RABEP2: variants seen among roughly 807,000 people sequenced by gnomAD.
The protein encoded by RABEP2 is rabaptin, RAB GTPase binding effector protein 2, also known as rab GTPase-binding effector protein 2.
A neutral mutation model predicts 74.1 loss-of-function variants in RABEP2; 57 were observed. The observed-to-expected ratio is 0.77, with a 90% CI of 0.62 to 0.96. RABEP2 has a LOEUF of 0.96. Among genes scored for constraint, RABEP2 ranks in the 40% least tolerant of loss-of-function variants. The pLI is 0.00. For missense variants in RABEP2, 692 were observed against 756.3 expected, an observed-to-expected ratio of 0.91 and a Z score of 1.00; for synonymous variants, 351 against 344.0, an observed-to-expected ratio of 1.02 and a Z score of -0.23.
chr16:28,914,141 C>T (rs1456619848), intron 5 of RABEP2, 95 bp downstream of exon 5: 6 of 1,055,322 alleles, frequency 5.7e-6, no homozygotes, highest in African/African-American at 1.6e-5. Context: ...GTGGAAGCTC[C>T]GGCTCTAGTT....
chr16:28,905,359 G>A, intron 12 of RABEP2, 38 bp downstream of exon 12: 5 of 1,497,744 alleles, frequency 3.3e-6, no homozygotes, highest in Non-Finnish European at 4.6e-6. Context: ...CACCCGGAGT[G>A]GAGCCAGCCA....
intron 1 of RABEP2, 35 bp downstream of exon 1, chr16:28,925,068 C>T (rs1596707071): frequency 6.5e-7 from 1 of 1,549,384 alleles, no homozygotes; most frequent in East Asian, 2.4e-5. Context: ...CCCAGCATCA[C>T]CGTTCCCCGC....
chr16:28,914,814 C>G, intron 3 of RABEP2, 32 bp from the exon 4 acceptor site: 1 of 1,597,838 alleles, frequency 6.3e-7, no homozygotes, highest in Admixed American at 1.7e-5. Context: ...AGCAATAGTT[C>G]CCCCTCCAAA....
chr16:28,920,015 A>T, intron 2 of RABEP2, 72 bp from the exon 3 acceptor site: 1 of 1,445,438 alleles, frequency 6.9e-7, no homozygotes, highest in East Asian at 2.4e-5. Flanking sequence ...CGAGCAGGGG[A>T]CTCTTGATGC....
chr16:28,911,034 C>A, intron 6 of RABEP2, 48 bp from the exon 7 acceptor site: 1 of 1,609,406 alleles, frequency 6.2e-7, no homozygotes, highest in Non-Finnish European at 8.5e-7. Context: ...TGTCAGGGGG[C>A]GGCAGGTAGC....
chr16:28,924,121 G>C (rs117197460), intron 2 of RABEP2: 1 of 478,438 alleles, frequency 2.1e-6, no homozygotes, highest in East Asian at 4.0e-5. Context: ...CCATCTTCAG[G>C]GTTGATCAAT....
At chr16:28,906,862 G>A (rs1964242136) in intron 8 of RABEP2, among the ~76,000 whole-genome samples, 1 of 152,200 alleles carries the variant, frequency 6.6e-6, no homozygotes, top group African/African-American at 2.4e-5. Flanking sequence ...AGGAGGCTGA[G>A]GCAGGAGAAT....
chr16:28,913,531 G>C (rs1485515816), intron 5 of RABEP2, among the ~76,000 whole-genome samples: 1 of 151,850 alleles, frequency 6.6e-6, no homozygotes, highest in Non-Finnish European at 1.5e-5. Flanking sequence ...GCCCAGGATG[G>C]AGTGCAGTGG....
At chr16:28,923,380 T>C (rs1270676674) in intron 2 of RABEP2, among the ~76,000 whole-genome samples, 2 of 150,902 alleles carry the variant, frequency 1.3e-5, no homozygotes, top group African/African-American at 4.9e-5. Flanking sequence ...CAGCGTGCTG[T>C]GACGCACTCC....
Position 28,904,640 on chromosome 16 carries a change from G to C in RABEP2, c.*303C>G. ...GTGCCCTGGGCAGGGGACGGGCTGG[G>C]GGCAGGGGAGGGCTGGAGCCCAGGA... On this transcript the variant is annotated 3_prime_UTR_variant, in exon 13 of 13. Transcript: ENST00000358201. 2.4e-6 allele frequency: 2 copies of C among 838,604 alleles called. No homozygotes were observed. The highest frequency in any genetic ancestry group is 3.4e-6 in the Non-Finnish European group (2 of 581,514). The allele number at this position is 838,604 out of a possible 1,614,324, so 51.9% of individuals were successfully genotyped here.
At position 28,904,546 on chromosome 16, in the gene RABEP2, C is replaced by T; in HGVS notation, c.*397G>A. On this transcript the variant is annotated 3_prime_UTR_variant, in exon 13 of 13. Coordinates refer to ENST00000358201, the MANE Select transcript of RABEP2 (RefSeq NM_024816.3). The stretch of plus-strand genomic sequence containing the variant: ...TAGTGTCATGCAGACCAGAAGGCAG[C>T]TGCCTGTCCCAGGGCCGGGGCCCAC... 1 of 1,431,986 alleles carries T rather than the reference C, an allele frequency of 7.0e-7. No individual in the cohort carries two copies. 88.7% of individuals were successfully genotyped at this position (1,431,986 alleles called of 1,614,324 possible).
At position 28,912,470 on chromosome 16, in the gene RABEP2, G is replaced by A. The variant is rs1190652732; in HGVS notation, c.895-1291C>T. On this transcript the variant is annotated intron_variant, in intron 5 of 12. Transcript: ENST00000358201. Reference sequence around the variant, plus strand: ...GTGACCCAGGCTGGAGTGCAGTGGCGCACGATCTCAGCTCACTGCAGCATC... The same window carrying A: ...GTGACCCAGGCTGGAGTGCAGTGGCACACGATCTCAGCTCACTGCAGCATC... 4.8e-5 allele frequency among the ~76,000 whole-genome samples: 7 copies of A among 146,606 alleles called. No homozygotes were observed. In the East Asian group the frequency reaches 8.2e-4, roughly 17 times the overall value.
At chr16:28,924,931 T>A (rs1488151167) in intron 1 of RABEP2, 172 bp downstream of exon 1, 3 of 889,518 alleles carry the variant, frequency 3.4e-6, no homozygotes, top group Non-Finnish European at 5.4e-6. Flanking sequence ...ACCCCTTCAA[T>A]GGCCGGGCCA....
intron 5 of RABEP2, among the ~76,000 whole-genome samples, chr16:28,913,135 G>A (rs1186307834): frequency 1.3e-5 from 2 of 151,840 alleles, no homozygotes; most frequent in Admixed American, 6.6e-5. Context: ...TCTCCATGTT[G>A]GTCAGGCTGG....
intron 7 of RABEP2, 101 bp downstream of exon 7, chr16:28,910,787 C>A: frequency 1.9e-6 from 2 of 1,036,618 alleles, no homozygotes; most frequent in Middle Eastern, 2.1e-4. Flanking sequence ...CAGCTGGGGA[C>A]AGGACAGGTT....
intron 1 of RABEP2, 79 bp downstream of exon 1, chr16:28,925,024 C>A (rs1964516420): frequency 2.8e-6 from 4 of 1,420,370 alleles, no homozygotes; most frequent in South Asian, 1.2e-5. Context: ...TCCCTCTCCA[C>A]CCCCCATCCG....
chr16:28,924,794 G>C (rs1220999130), intron 1 of RABEP2, 179 bp from the exon 2 acceptor site: 5 of 716,456 alleles, frequency 7.0e-6, no homozygotes, highest in Non-Finnish European at 1.2e-5. Context: ...GCCGGGTGCT[G>C]CCTACACTCC....
At chr16:28,911,295 C>T in intron 5 of RABEP2, 116 bp from the exon 6 acceptor site, 1 of 897,040 alleles carries the variant, frequency 1.1e-6, no homozygotes, top group Non-Finnish European at 1.7e-6. Context: ...CGTCAAATTA[C>T]AGGCCCAGCC....
At chr16:28,921,139 C>T (rs750915004) in intron 2 of RABEP2, 5 of 455,014 alleles carry the variant, frequency 1.1e-5, no homozygotes, top group South Asian at 7.8e-5. Flanking sequence ...GCTGGGATTA[C>T]AGGCATGAGC....
Sources: allele counts gnomAD v4.1 joint callset (sites outside exome capture counted in the v4.1 genomes callset), GRCh38; gene constraint gnomAD v4.1.1; transcripts MANE v1.5; gene names NCBI Gene and HGNC (gene_info 2026-07-23, HGNC 2026-07-21).